Variants in CHST8 observed in about 807,000 individuals in gnomAD.
CHST8 encodes the protein GALNAC-4-ST1.
A neutral mutation model predicts 15.0 loss-of-function variants in CHST8; 10 were observed. The ratio of observed to expected loss-of-function variants is 0.67; its 90% CI spans 0.41 to 1.13. The LOEUF (loss-of-function observed/expected upper bound fraction) is 1.13, where lower values mean the gene tolerates loss of function less well. Among genes scored for constraint, CHST8 ranks in the 50% most tolerant of loss-of-function variants. CHST8 has a pLI of 0.00. For synonymous variants in CHST8, 259 were observed against 256.6 expected (o/e 1.01, Z -0.09); for missense variants, 634 against 608.2 (o/e 1.04, Z -0.45).
intron 3 of CHST8, among the ~76,000 whole-genome samples, chr19:33,760,844 G>A (rs1481484517): frequency 6.6e-6 from 1 of 152,154 alleles, no homozygotes; most frequent in Non-Finnish European, 1.5e-5. Context: ...ATCACACATG[G>A]AGTTGCTGGC....
chr19:33,661,170 G>A (rs950987062), intron 1 of CHST8, among the ~76,000 whole-genome samples: 1 of 152,120 alleles, frequency 6.6e-6, no homozygotes, highest in African/African-American at 2.4e-5. Flanking sequence ...AAATGAGCTG[G>A]GTGTGGTGGT....
chr19:33,692,107 T>C (rs1973108863), intron 3 of CHST8, among the ~76,000 whole-genome samples: 1 of 152,054 alleles, frequency 6.6e-6, no homozygotes, highest in South Asian at 2.1e-4. Context: ...GATGGAATTG[T>C]AGGGGGTTGC....
At chr19:33,659,172 T>C (rs1173782651) in intron 1 of CHST8, among the ~76,000 whole-genome samples, 1 of 150,600 alleles carries the variant, frequency 6.6e-6, no homozygotes, top group Non-Finnish European at 1.5e-5. Context: ...TTCAAGCGAT[T>C]CTCCTGCCTC....
chr19:33,725,078 C>T (rs78598535), intron 3 of CHST8, among the ~76,000 whole-genome samples: 11,363 of 152,038 alleles, frequency 0.075, 604 homozygotes, highest in Middle Eastern at 0.13. Flanking sequence ...TATCGGGGGG[C>T]GCTGTTATGA....
intron 3 of CHST8, among the ~76,000 whole-genome samples, chr19:33,708,503 G>A (rs760039726): frequency 6.6e-5 from 10 of 152,146 alleles, no homozygotes; most frequent in Non-Finnish European, 1.3e-4. Context: ...CTATCGAATT[G>A]CCTTCGCACC....
intron 1 of CHST8, among the ~76,000 whole-genome samples, chr19:33,644,618 G>A (rs983134466): frequency 1.3e-5 from 2 of 152,118 alleles, no homozygotes; most frequent in African/African-American, 4.8e-5. Context: ...GTGTGCACTT[G>A]TAGTCCCAGC....
At chr19:33,659,935 G>C (rs1018554661) in intron 1 of CHST8, among the ~76,000 whole-genome samples, 3 of 152,222 alleles carry the variant, frequency 2.0e-5, no homozygotes, top group African/African-American at 7.2e-5. Flanking sequence ...ACAGGTTTCT[G>C]TTCATGGCAG....
chr19:33,629,597 A>G (rs1005088508), intron 1 of CHST8, among the ~76,000 whole-genome samples: 2 of 152,194 alleles, frequency 1.3e-5, no homozygotes, highest in African/African-American at 4.8e-5. Context: ...GCAGGGAAGC[A>G]GGTCTGTGAG....
intron 1 of CHST8, among the ~76,000 whole-genome samples, chr19:33,622,958 C>G (rs964711492): frequency 2.0e-4 from 31 of 152,190 alleles, no homozygotes; most frequent in Non-Finnish European, 1.5e-5. Context: ...GGAAATGATC[C>G]GTTTGGCCGC....
At chr19:33,639,086 C>CAAAAA (rs34970478) in intron 1 of CHST8, among the ~76,000 whole-genome samples, 13 of 64,610 alleles carry the variant, frequency 2.0e-4, no homozygotes, top group Middle Eastern at 0.011. Flanking sequence ...TGATCCTGAC[C>CAAAAA]AAAAAAAAAA....
At chr19:33,654,494 G>T (rs1203074976) in intron 1 of CHST8, among the ~76,000 whole-genome samples, 1 of 152,014 alleles carries the variant, frequency 6.6e-6, no homozygotes, top group Admixed American at 6.6e-5. Flanking sequence ...TGCTTCCTAG[G>T]TTGTGGAGAT....
intron 3 of CHST8, among the ~76,000 whole-genome samples, chr19:33,725,145 ATG>A (rs1442710383): frequency 2.0e-5 from 3 of 152,120 alleles, no homozygotes; most frequent in Non-Finnish European, 4.4e-5. Flanking sequence ...GCGTGGCTGC[ATG>A]TGATTGTGGG....
intron 2 of CHST8, among the ~76,000 whole-genome samples, chr19:33,677,556 C>T (rs926934115): frequency 5.3e-5 from 8 of 152,218 alleles, no homozygotes; most frequent in Admixed American, 5.2e-4. Flanking sequence ...CAGACCCAAG[C>T]CTGTTCCTCC....
intron 3 of CHST8, among the ~76,000 whole-genome samples, chr19:33,719,587 G>C (rs1178528908): frequency 6.6e-6 from 1 of 151,948 alleles, no homozygotes; most frequent in African/African-American, 2.4e-5. Flanking sequence ...GGGACACCTA[G>C]GGAGACTGGA....
rs150187521 is a variant in CHST8, at chr19:33,772,972, T to A, written c.1184T>A (p.Leu395His). ...ARIAHQYFAQ[L>H]SALQRQRTYD... ...ATCGCCCACCAGTACTTCGCCCAAC[T>A]CTCGGCCCTGCAAAGGCAGCGCACC... Residue 395 changes from leucine (L) to histidine (H), a missense_variant, in exon 5 of 5, where the codon CTC becomes CAC. Coordinates refer to ENST00000650847, the MANE Select transcript of CHST8 (RefSeq NM_001127895.2). 1.2e-6 allele frequency: 2 copies of A among 1,613,570 alleles called. No homozygotes were observed. The highest frequency in any genetic ancestry group is 1.3e-5 in the African/African-American group (1 of 75,062).
chr19:33,756,829 G>C (rs1333111308), intron 3 of CHST8, among the ~76,000 whole-genome samples: 1 of 152,196 alleles, frequency 6.6e-6, no homozygotes, highest in Non-Finnish European at 1.5e-5. Context: ...ACCCTCAGGA[G>C]TCTCTCCGCC....
rs767137491 is a variant in CHST8 at position 33,771,495 on chromosome 19, G to A, written c.168+45G>A. On this transcript the variant is annotated intron_variant, in intron 4 of 4. Coordinates refer to ENST00000650847, the MANE Select transcript of CHST8 (RefSeq NM_001127895.2). Reference sequence around the variant, plus strand: ...TAAATCTCAGTGCACACAGCCCTTGGGAAACTGGGGAGGGCTGGGAAGAAA... The same window carrying A: ...TAAATCTCAGTGCACACAGCCCTTGAGAAACTGGGGAGGGCTGGGAAGAAA... 9 of 1,592,102 alleles carry A rather than the reference G, an allele frequency of 5.7e-6. No homozygotes were observed. In the South Asian group the frequency reaches 9.9e-5, roughly 18 times the overall value.
chr19:33,721,296 C>G (rs1184243649), intron 3 of CHST8, among the ~76,000 whole-genome samples: 1 of 152,216 alleles, frequency 6.6e-6, no homozygotes, highest in East Asian at 1.9e-4. Context: ...GTCCCCAGTC[C>G]TTCTCCATCT....
rs911543105 is a variant in CHST8, at chr19:33,772,436, C to T, written c.648C>T (p.Ala216=). The change falls in exon 5 of 5, where the codon GCC becomes GCT. Residue 216 remains alanine, a synonymous_variant. Transcript: ENST00000650847. ...TGCTCATGGTGCTGGCCGGCCTGGCCTCGTCCACTGCCGACATCCAGCACA... is the reference window on the plus strand; with the variant it reads ...TGCTCATGGTGCTGGCCGGCCTGGCTTCGTCCACTGCCGACATCCAGCACA... The part of the protein sequence containing the change: ...KRVLMVLAGL[A]SSTADIQHNT... The T allele has an allele frequency of 1.2e-6, 2 of 1,611,692 alleles. No individual in the cohort carries two copies. The highest frequency in any genetic ancestry group is 1.3e-5 in the African/African-American group (1 of 75,066).
Sources: gnomAD v4.1 joint callset for allele counts (sites outside exome capture counted in the v4.1 genomes callset) on GRCh38, gnomAD v4.1.1 for gene constraint, MANE v1.5 for transcripts, NCBI Gene and HGNC (gene_info 2026-07-23, HGNC 2026-07-21) for gene names.